Variants in XYLT1 observed in about 807,000 individuals in gnomAD.
XYLT1 encodes the protein xylosyltransferase 1.
Under a neutral mutation model 91.3 loss-of-function variants are expected in XYLT1, and 36 were observed. The ratio of observed to expected loss-of-function variants is 0.39; its 90% CI spans 0.30 to 0.52. XYLT1 has a LOEUF of 0.52. XYLT1 is among the 20% of genes least tolerant of loss of function. XYLT1 has a pLI of 0.68. For synonymous variants in XYLT1, 588 were observed against 532.0 expected (o/e 1.11, Z -1.45); for missense variants, 1,242 against 1,284.5 (o/e 0.97, Z 0.51).
At position 17,163,877 on chromosome 16, in the gene XYLT1, C is replaced by T. The variant is rs551698807; in HGVS notation, c.1290-4968G>A. The stretch of plus-strand genomic sequence containing the variant: ...CAGCCTGACCAACATGGTGAAACCC[C>T]GTCTCTACTAAAAATACAAAAATTA... On this transcript the variant is annotated intron_variant, in intron 5 of 11. Transcript: ENST00000261381. 4.0e-5 allele frequency among the ~76,000 whole-genome samples: 6 copies of T among 151,554 alleles called. No individual in the cohort carries two copies. The South Asian group carries it at 1.0e-3, about 26-fold the overall frequency.
At chr16:17,160,651 C>T (rs969906936) in intron 5 of XYLT1, among the ~76,000 whole-genome samples, 13 of 152,150 alleles carry the variant, frequency 8.5e-5, no homozygotes, top group African/African-American at 2.9e-4. Flanking sequence ...TGCTGATGGG[C>T]ACAGAGGTGA....
intron 5 of XYLT1, among the ~76,000 whole-genome samples, chr16:17,191,776 T>C (rs1266440896): frequency 6.6e-6 from 1 of 152,262 alleles, no homozygotes; most frequent in Non-Finnish European, 1.5e-5. Flanking sequence ...TCTGGTAGTA[T>C]CTCAAGACAG....
intron 1 of XYLT1, among the ~76,000 whole-genome samples, chr16:17,380,180 C>T (rs953897648): frequency 1.3e-5 from 2 of 152,082 alleles, no homozygotes; most frequent in Non-Finnish European, 2.9e-5. Flanking sequence ...CCCAGCTATT[C>T]GGGAGGCTGA....
intron 1 of XYLT1, among the ~76,000 whole-genome samples, chr16:17,411,215 C>G (rs1487298466): frequency 6.6e-6 from 1 of 152,174 alleles, no homozygotes; most frequent in African/African-American, 2.4e-5. Context: ...AAGGACTGAA[C>G]ATAGTACTTG....
At chr16:17,185,367 T>A (rs1394653458) in intron 5 of XYLT1, among the ~76,000 whole-genome samples, 1 of 152,206 alleles carries the variant, frequency 6.6e-6, no homozygotes, top group Middle Eastern at 3.2e-3. Flanking sequence ...CCTTTCAAAC[T>A]CACACATTAT....
At chr16:17,457,280 T>C (rs921278603) in intron 1 of XYLT1, among the ~76,000 whole-genome samples, 3 of 152,224 alleles carry the variant, frequency 2.0e-5, no homozygotes, top group Admixed American at 2.0e-4. Flanking sequence ...CACAAAGCTC[T>C]AGGTTTCCTT....
At chr16:17,247,419 C>T (rs1013359126) in intron 3 of XYLT1, among the ~76,000 whole-genome samples, 3 of 152,170 alleles carry the variant, frequency 2.0e-5, no homozygotes, top group African/African-American at 7.2e-5. Context: ...AGCGAGTCTC[C>T]CATGCCCACC....
chr16:17,217,276 C>T (rs1156678034), intron 3 of XYLT1, among the ~76,000 whole-genome samples: 2 of 152,172 alleles, frequency 1.3e-5, no homozygotes, highest in Non-Finnish European at 2.9e-5. Flanking sequence ...GTTCTAGCTT[C>T]ACTTCTTAGG....
chr16:17,215,447 C>G (rs1043313314), intron 3 of XYLT1, among the ~76,000 whole-genome samples: 1 of 152,180 alleles, frequency 6.6e-6, no homozygotes. Flanking sequence ...TATTTCTCTG[C>G]CACATGAGGT....
intron 2 of XYLT1, among the ~76,000 whole-genome samples, chr16:17,326,837 A>C (rs1293695910): frequency 6.6e-6 from 1 of 151,872 alleles, no homozygotes; most frequent in Non-Finnish European, 1.5e-5. Context: ...AAACAAAAAA[A>C]AACAAAAAAA....
intron 2 of XYLT1, among the ~76,000 whole-genome samples, chr16:17,325,231 C>T (rs938638235): frequency 6.6e-6 from 1 of 152,088 alleles, no homozygotes; most frequent in African/African-American, 2.4e-5. Context: ...AACCCTGTCT[C>T]TACTAAAAAT....
At chr16:17,444,512 C>CTTT (rs56872670) in intron 1 of XYLT1, among the ~76,000 whole-genome samples, 2,396 of 143,704 alleles carry the variant, frequency 0.017, 65 homozygotes, top group African/African-American at 0.056. Flanking sequence ...ACTTCTTCTT[C>CTTT]TTTTTTTTTT....
intron 1 of XYLT1, among the ~76,000 whole-genome samples, chr16:17,396,949 C>T (rs765634455): frequency 7.2e-5 from 11 of 152,122 alleles, no homozygotes; most frequent in South Asian, 2.1e-4. Context: ...GGCCTATTTT[C>T]GCAAATAAAA....
intron 1 of XYLT1, among the ~76,000 whole-genome samples, chr16:17,420,303 T>C (rs553127984): frequency 6.6e-6 from 1 of 152,324 alleles, no homozygotes; most frequent in East Asian, 1.9e-4. Flanking sequence ...AGCCAGGAAG[T>C]AATGGCTAAT....
intron 2 of XYLT1, among the ~76,000 whole-genome samples, chr16:17,331,411 A>G (rs2034897506): frequency 6.6e-6 from 1 of 152,248 alleles, no homozygotes; most frequent in Admixed American, 6.5e-5. Flanking sequence ...GCCTCTGGCC[A>G]TGCAAAACCA....
chr16:17,245,881 C>T (rs952016596), intron 3 of XYLT1, among the ~76,000 whole-genome samples: 1 of 152,204 alleles, frequency 6.6e-6, no homozygotes, highest in African/African-American at 2.4e-5. Context: ...ATTTCTCACC[C>T]CAGGCAATGA....
chr16:17,462,623 C>T (rs992002679), intron 1 of XYLT1, among the ~76,000 whole-genome samples: 1 of 152,142 alleles, frequency 6.6e-6, no homozygotes, highest in African/African-American at 2.4e-5. Flanking sequence ...GTACAAGTGG[C>T]GGGCTCCTCA....
chr16:17,460,667 A>G (rs2036807866), intron 1 of XYLT1, among the ~76,000 whole-genome samples: 1 of 152,212 alleles, frequency 6.6e-6, no homozygotes, highest in Non-Finnish European at 1.5e-5. Context: ...GGTCTGCAGT[A>G]TCACCATTCC....
Position 17,117,983 on chromosome 16 carries a change from A to G in XYLT1, c.2224-4T>C, listed in dbSNP as rs749488472. 1 of 1,604,064 alleles carries G rather than the reference A, an allele frequency of 6.2e-7. No homozygotes were observed. Among genetic ancestry groups the G allele is most frequent in the South Asian group, 1.1e-5 (1 of 90,296 alleles). On this transcript the variant is annotated splice_region_variant and splice_polypyrimidine_tract_variant and intron_variant, in intron 10 of 11. Transcript: ENST00000261381. ...TGGCATCCCAGTCAGTGCCGACCTG[A>G]AACAGGGGAGTGAATTCTGAAGTCA...
Sources: allele counts gnomAD v4.1 joint callset (sites outside exome capture counted in the v4.1 genomes callset), GRCh38; gene constraint gnomAD v4.1.1; transcripts MANE v1.5; gene names NCBI Gene and HGNC (gene_info 2026-07-23, HGNC 2026-07-21).